The following MACROD2 variants were observed in gnomAD, a reference collection of about 807,000 sequenced individuals.
MACROD2 encodes mono-ADP ribosylhydrolase 2.
A neutral mutation model predicts 70.4 loss-of-function variants in MACROD2; 36 were observed. That is an observed-to-expected ratio of 0.51 (90% CI 0.39 to 0.68). MACROD2 has a LOEUF of 0.68. Among genes scored for constraint, MACROD2 ranks in the 30% least tolerant of loss-of-function variants. MACROD2 has a pLI of 0.00. For synonymous variants in MACROD2, 172 were observed against 178.8 expected, an observed-to-expected ratio of 0.96 and a Z score of 0.30; for missense variants, 496 against 538.4, an observed-to-expected ratio of 0.92 and a Z score of 0.78.
chr20:14,872,857 C>G (rs2073504824), intron 5 of MACROD2, among the ~76,000 whole-genome samples: 1 of 152,082 alleles, frequency 6.6e-6, no homozygotes, highest in Non-Finnish European at 1.5e-5. Flanking sequence ...AACTTACAAT[C>G]ATGGCTGAAG....
intron 2 of MACROD2, among the ~76,000 whole-genome samples, chr20:14,076,825 GT>G (rs1382722527): frequency 3.3e-5 from 5 of 151,964 alleles, no homozygotes; most frequent in Non-Finnish European, 7.4e-5. Flanking sequence ...TTCTACTTAG[GT>G]TTGCTGATCA....
chr20:15,498,473 G>A (rs6135422), intron 7 of MACROD2, among the ~76,000 whole-genome samples: 130,012 of 152,180 alleles, frequency 0.85, 55,942 homozygotes, highest in East Asian at 0.99. Context: ...AGCCGTATAA[G>A]GAAAAAAAGA....
At chr20:15,715,664 T>G (rs1231176713) in intron 8 of MACROD2, among the ~76,000 whole-genome samples, 1 of 152,182 alleles carries the variant, frequency 6.6e-6, no homozygotes, top group Non-Finnish European at 1.5e-5. Context: ...TTTGTTAGTT[T>G]AATACCTCTT....
intron 8 of MACROD2, among the ~76,000 whole-genome samples, chr20:15,587,017 A>G (rs1354075163): frequency 1.3e-5 from 2 of 152,198 alleles, no homozygotes; most frequent in African/African-American, 2.4e-5. Context: ...AATAAGAAAT[A>G]AATTCAATAT....
intron 2 of MACROD2, among the ~76,000 whole-genome samples, chr20:14,055,397 C>A (rs894953772): frequency 6.6e-6 from 1 of 151,056 alleles, no homozygotes; most frequent in Non-Finnish European, 1.5e-5. Context: ...TCTTTTGACT[C>A]TACTGATCCT....
At chr20:15,228,270 C>T (rs1285437850) in intron 5 of MACROD2, among the ~76,000 whole-genome samples, 1 of 151,944 alleles carries the variant, frequency 6.6e-6, no homozygotes, top group East Asian at 1.9e-4. Flanking sequence ...GTAAGTTTAC[C>T]TGTGAAACAA....
intron 9 of MACROD2, among the ~76,000 whole-genome samples, chr20:15,873,267 C>T (rs1289335629): frequency 6.6e-6 from 1 of 152,008 alleles, no homozygotes; most frequent in East Asian, 1.9e-4. Flanking sequence ...TATAAATGCC[C>T]GAGCCTAGCA....
At chr20:15,915,911 C>T (rs1374098668) in intron 10 of MACROD2, among the ~76,000 whole-genome samples, 1 of 151,964 alleles carries the variant, frequency 6.6e-6, no homozygotes, top group East Asian at 1.9e-4. Context: ...AAGGAAATCC[C>T]CCGTTATGGA....
chr20:14,227,380 G>A (rs538510204), intron 3 of MACROD2, among the ~76,000 whole-genome samples: 2 of 152,184 alleles, frequency 1.3e-5, no homozygotes, highest in African/African-American at 4.8e-5. Flanking sequence ...TTGGGTCCAC[G>A]CTACCTTTAT....
At chr20:14,387,927 T>C (rs988038522) in intron 3 of MACROD2, among the ~76,000 whole-genome samples, 3 of 152,212 alleles carry the variant, frequency 2.0e-5, no homozygotes, top group African/African-American at 7.2e-5. Flanking sequence ...CCGTCATCTG[T>C]GACATAATTC....
At chr20:15,570,848 C>T (rs1370763725) in intron 8 of MACROD2, among the ~76,000 whole-genome samples, 1 of 151,386 alleles carries the variant, frequency 6.6e-6, no homozygotes, top group Non-Finnish European at 1.5e-5. Flanking sequence ...ATAGATCAAA[C>T]TAAAAAGTAG....
intron 8 of MACROD2, among the ~76,000 whole-genome samples, chr20:15,657,757 C>A (rs2146809061): frequency 6.6e-6 from 1 of 152,252 alleles, no homozygotes; most frequent in East Asian, 1.9e-4. Flanking sequence ...CTTTGGGAGG[C>A]CAAGGCAGGC....
chr20:14,084,627 T>TA (rs2054052834), intron 2 of MACROD2, among the ~76,000 whole-genome samples: 4 of 152,296 alleles, frequency 2.6e-5, no homozygotes, highest in African/African-American at 9.6e-5. Flanking sequence ...AATCATTTTT[T>TA]AAAATATCAG....
chr20:15,573,663 A>G (rs2048405466), intron 8 of MACROD2, among the ~76,000 whole-genome samples: 1 of 151,974 alleles, frequency 6.6e-6, no homozygotes, highest in African/African-American at 2.4e-5. Flanking sequence ...CCTAAGCCAT[A>G]CTCCTACCCT....
At chr20:15,693,942 A>G (rs2050331488) in intron 8 of MACROD2, among the ~76,000 whole-genome samples, 1 of 149,768 alleles carries the variant, frequency 6.7e-6, no homozygotes, top group Non-Finnish European at 1.5e-5. Flanking sequence ...CTTAGCTCCC[A>G]CCTATCAGTG....
intron 3 of MACROD2, chr20:14,352,221 T>C (rs1253768438): frequency 2.0e-5 from 3 of 152,294 alleles, no homozygotes; most frequent in African/African-American, 7.2e-5. Context: ...ATTTGTTTTA[T>C]GACTTTGCAC....
At chr20:15,672,369 A>ACACACG (rs1184004121) in intron 8 of MACROD2, among the ~76,000 whole-genome samples, 4 of 151,832 alleles carry the variant, frequency 2.6e-5, no homozygotes, top group African/African-American at 7.2e-5. Context: ...ACACACACAC[A>ACACACG]CACACACACA....
At chr20:14,768,272 C>T (rs1314125128) in intron 5 of MACROD2, among the ~76,000 whole-genome samples, 3 of 152,026 alleles carry the variant, frequency 2.0e-5, no homozygotes, top group Non-Finnish European at 2.9e-5. Context: ...AAAAGCCTTC[C>T]TATTTCTCCA....
chr20:14,338,216 A>G lies in MACROD2; in HGVS notation c.272-155263A>G, dbSNP rs143806068. On this transcript the variant is annotated intron_variant, in intron 3 of 17. Coordinates refer to ENST00000684519, the MANE Select transcript of MACROD2 (RefSeq NM_001351661.2). The stretch of plus-strand genomic sequence containing the variant: ...CAGGAGTTCGAGACCAGCCTGACCA[A>G]CATGTAGAAAAAATTAGCTGGGCGC... 3.0e-3 allele frequency among the ~76,000 whole-genome samples: 459 copies of G among 152,306 alleles called. 1 individual carries two copies. The highest frequency in any genetic ancestry group is 4.7e-3 in the Non-Finnish European group (320 of 68,024).
Sources: gnomAD v4.1 joint callset for allele counts (sites outside exome capture counted in the v4.1 genomes callset) on GRCh38, gnomAD v4.1.1 for gene constraint, MANE v1.5 for transcripts, NCBI Gene and HGNC (gene_info 2026-07-23, HGNC 2026-07-21) for gene names.